DPP10: variants seen among roughly 807,000 people sequenced by gnomAD.
DPP10 encodes the protein inactive dipeptidyl peptidase 10.
Under a neutral mutation model 120.9 loss-of-function variants are expected in DPP10, and 33 were observed. That is an observed-to-expected ratio of 0.27 (90% CI 0.21 to 0.37). DPP10 has a LOEUF of 0.37. Among genes scored for constraint, DPP10 ranks in the 10% least tolerant of loss-of-function variants. The probability of loss-of-function intolerance (pLI) is 1.00; values close to 1 mark genes in which losing one functional copy is unlikely to be tolerated. For synonymous variants in DPP10, 337 were observed against 326.1 expected (o/e 1.03, Z -0.36); for missense variants, 816 against 942.8 (o/e 0.87, Z 1.76).
chr2:114,801,154 T>A (rs1419112552), intron 1 of DPP10, among the ~76,000 whole-genome samples: 2 of 150,198 alleles, frequency 1.3e-5, no homozygotes, highest in South Asian at 4.2e-4. Context: ...TCCCAGCTAC[T>A]CGGGAGGCTG....
intron 1 of DPP10, among the ~76,000 whole-genome samples, chr2:114,645,916 A>T (rs2105455058): frequency 6.6e-6 from 1 of 152,290 alleles, no homozygotes; most frequent in Admixed American, 6.5e-5. Context: ...TAATCTCAGC[A>T]CTTTGGGAGG....
chr2:115,047,377 A>G (rs138644595), intron 1 of DPP10, among the ~76,000 whole-genome samples: 2,477 of 152,114 alleles, frequency 0.016, 52 homozygotes, highest in African/African-American at 0.047. Flanking sequence ...TTAAATTTTG[A>G]ATATTTTAAT....
chr2:115,103,135 G>A (rs2048775459), intron 1 of DPP10, among the ~76,000 whole-genome samples: 1 of 151,664 alleles, frequency 6.6e-6, no homozygotes, highest in Admixed American at 6.6e-5. Flanking sequence ...AGCTAAAACA[G>A]GGGTTTTCAG....
At position 115,777,841 on chromosome 2, in the gene DPP10, A is replaced by G. The variant is rs748650754; in HGVS notation, c.1361+7A>G. The G allele has an allele frequency of 2.5e-6, 4 of 1,613,172 alleles. No homozygotes were observed. In the Admixed American group the frequency reaches 5.0e-5, roughly 20 times the overall value. ...GAGGAAGGCAGCTGTACAGGTAAGC[A>G]GTGTGCAAGGATCTCCTTACACAGA... On this transcript the variant is annotated splice_region_variant and intron_variant, in intron 15 of 25. Coordinates refer to ENST00000410059, the MANE Select transcript of DPP10 (RefSeq NM_020868.6).
chr2:115,482,360 CAT>C (rs2075493115), intron 3 of DPP10, among the ~76,000 whole-genome samples: 1 of 151,846 alleles, frequency 6.6e-6, no homozygotes, highest in Non-Finnish European at 1.5e-5. Context: ...CATCATCTCA[CAT>C]AGTTACCCAT....
chr2:115,653,605 C>T (rs1176787538), intron 5 of DPP10, among the ~76,000 whole-genome samples: 1 of 151,984 alleles, frequency 6.6e-6, no homozygotes, highest in Non-Finnish European at 1.5e-5. Flanking sequence ...ATCAACTTCT[C>T]ATAATTTTCC....
At chr2:114,756,031 A>T (rs199907864) in intron 1 of DPP10, among the ~76,000 whole-genome samples, 8 of 152,086 alleles carry the variant, frequency 5.3e-5, no homozygotes, top group South Asian at 2.1e-4. Context: ...ACTTGCTCTT[A>T]AAAAAAGTGC....
At chr2:114,600,819 T>C (rs1036613040) in intron 1 of DPP10, among the ~76,000 whole-genome samples, 1 of 151,926 alleles carries the variant, frequency 6.6e-6, no homozygotes, top group Non-Finnish European at 1.5e-5. Context: ...TTTGAACTGT[T>C]TTATCTCACT....
At chr2:114,551,341 GTC>G (rs1687871579) in intron 1 of DPP10, among the ~76,000 whole-genome samples, 1 of 152,162 alleles carries the variant, frequency 6.6e-6, no homozygotes, top group African/African-American at 2.4e-5. Context: ...GTGGATTTAT[GTC>G]TCTTATATTC....
At chr2:115,512,920 C>G (rs948317836) in intron 4 of DPP10, among the ~76,000 whole-genome samples, 2 of 151,978 alleles carry the variant, frequency 1.3e-5, no homozygotes, top group Non-Finnish European at 2.9e-5. Flanking sequence ...TGTTTGTCTT[C>G]TATTTTATTA....
chr2:114,901,357 C>T (rs1156936924), intron 1 of DPP10, among the ~76,000 whole-genome samples: 4 of 152,102 alleles, frequency 2.6e-5, no homozygotes, highest in African/African-American at 9.7e-5. Flanking sequence ...GCCACCACAC[C>T]TGGCTAATTT....
At chr2:115,462,323 C>CAGG (rs1372442455) in intron 3 of DPP10, among the ~76,000 whole-genome samples, 1 of 152,154 alleles carries the variant, frequency 6.6e-6, no homozygotes, top group Non-Finnish European at 1.5e-5. Flanking sequence ...CATCTTAATT[C>CAGG]AGGCTCCATT....
chr2:115,228,890 A>T (rs1022034369), intron 1 of DPP10, among the ~76,000 whole-genome samples: 2 of 152,088 alleles, frequency 1.3e-5, no homozygotes, highest in African/African-American at 4.8e-5. Flanking sequence ...TTGGGTGTAT[A>T]CTTGGTGGTG....
chr2:115,505,710 A>C (rs998539881), intron 4 of DPP10, among the ~76,000 whole-genome samples: 60 of 152,298 alleles, frequency 3.9e-4, no homozygotes, highest in African/African-American at 1.3e-3. Flanking sequence ...AAATTTTTAA[A>C]AATACTGGCC....
chr2:115,543,091 T>A (rs2079272793), intron 5 of DPP10, among the ~76,000 whole-genome samples: 1 of 151,886 alleles, frequency 6.6e-6, no homozygotes, highest in Admixed American at 6.6e-5. Context: ...AAAACCTCAG[T>A]TGGGGGATGC....
At chr2:115,159,963 T>C (rs1040433918) in intron 1 of DPP10, among the ~76,000 whole-genome samples, 1 of 152,058 alleles carries the variant, frequency 6.6e-6, no homozygotes, top group African/African-American at 2.4e-5. Context: ...TTGTCCGAAA[T>C]GGAAACACAA....
chr2:115,552,656 G>GT (rs1330817986), intron 5 of DPP10, among the ~76,000 whole-genome samples: 5 of 151,960 alleles, frequency 3.3e-5, no homozygotes, highest in Admixed American at 3.3e-4. Context: ...ATTTTTAAAT[G>GT]TGTTTTTGTT....
intron 1 of DPP10, among the ~76,000 whole-genome samples, chr2:114,994,707 T>A (rs1426453980): frequency 2.6e-5 from 4 of 152,202 alleles, no homozygotes; most frequent in Admixed American, 6.5e-5. Context: ...TATTTTCTTT[T>A]CGCAGGGTCA....
intron 1 of DPP10, among the ~76,000 whole-genome samples, chr2:115,071,319 T>C (rs772030157): frequency 6.6e-6 from 1 of 152,188 alleles, no homozygotes; most frequent in Non-Finnish European, 1.5e-5. Context: ...TGTTAACTCA[T>C]ACAAAGCAGT....
Sources: gnomAD v4.1 joint callset for allele counts (sites outside exome capture counted in the v4.1 genomes callset) on GRCh38, gnomAD v4.1.1 for gene constraint, MANE v1.5 for transcripts, NCBI Gene and HGNC (gene_info 2026-07-23, HGNC 2026-07-21) for gene names.